The following TULP4 variants were observed in gnomAD, a reference collection of about 807,000 sequenced individuals.
The protein encoded by TULP4 is TUB like protein 4.
TULP4 carries 16 observed loss-of-function variants against 129.0 expected under a neutral mutation model. The observed-to-expected ratio is 0.12, with a 90% confidence interval of 0.08 to 0.19. The LOEUF is 0.19. Among genes scored for constraint, TULP4 ranks in the 10% least tolerant of loss-of-function variants. TULP4 has a pLI of 1.00. For missense variants in TULP4, 1,842 were observed against 2,059.1 expected, an observed-to-expected ratio of 0.89 and a Z score of 2.04; for synonymous variants, 998 against 854.0, an observed-to-expected ratio of 1.17 and a Z score of -2.94.
In TULP4 at chr6:158,407,891, A is replaced by G. The variant is rs553253434; in HGVS notation, c.253-5174A>G. 5.9e-5 allele frequency among the ~76,000 whole-genome samples: 9 copies of G among 152,332 alleles called. 1 individual carries two copies. The South Asian group carries it at 6.2e-4, about 11-fold the overall frequency. On this transcript the variant is annotated intron_variant, in intron 1 of 13. Coordinates refer to ENST00000367097, the MANE Select transcript of TULP4 (RefSeq NM_020245.5). ...CTTTGAGGGTTGAGGTAGATGTTCT[A>G]AAACATATTGTAAAGGTTGTACAAC...
At chr6:158,415,033 C>G (rs1778176384) in intron 2 of TULP4, among the ~76,000 whole-genome samples, 1 of 152,236 alleles carries the variant, frequency 6.6e-6, no homozygotes, top group African/African-American at 2.4e-5. Context: ...AAATGATTTT[C>G]TCTTTTGGCA....
Position 158,461,691 on chromosome 6 carries a change from C to T in TULP4, c.988C>T (p.Arg330Cys). 1.9e-6 allele frequency: 3 copies of T among 1,614,074 alleles called. No homozygotes were observed. The highest frequency in any genetic ancestry group is 2.5e-6 in the Non-Finnish European group (3 of 1,180,016). ...KSAMVKFYNV[R>C]GEHIFTLDTL... ...TGCCATGGTCAAGTTCTACAATGTT[C>T]GTGGGGAGCACATCTTCACACTGGA... The change falls in exon 6 of 14, where the codon CGT becomes TGT. Residue 330 changes from arginine (R) to cysteine (C), a missense_variant. Around this residue, in one of 5 missense-constraint regions of TULP4, gnomAD observed 456 missense variants for 534.3 expected, o/e 0.85. Coordinates refer to ENST00000367097, the MANE Select transcript of TULP4 (RefSeq NM_020245.5).
At position 158,349,910 on chromosome 6, in the gene TULP4, G is replaced by A. The variant is rs575376221; in HGVS notation, c.252+35642G>A. ...TCCTCACCTCCTAGGTGGGGCGGCC[G>A]GGCAGAGGCACTCCCCACTTCCCAG... On this transcript the variant is annotated intron_variant, in intron 1 of 13. Coordinates refer to ENST00000367097, the MANE Select transcript of TULP4 (RefSeq NM_020245.5). Among the ~76,000 whole-genome samples the A allele has an allele frequency of 9.2e-3, 1,286 of 139,672 alleles. 114 individuals carry two copies. Among genetic ancestry groups the A allele is most frequent in the African/African-American group, 0.034 (1,220 of 35,866 alleles). 91.6% of individuals were successfully genotyped at this position (139,672 alleles called of 152,430 possible). A position where few individuals can be genotyped will look rare whatever the true frequency, so the allele number is the denominator to read the frequency against.
chr6:158,252,436 T>C (rs553444636), intron 1 of TULP4, among the ~76,000 whole-genome samples: 1 of 152,132 alleles, frequency 6.6e-6, no homozygotes, highest in African/African-American at 2.4e-5. Flanking sequence ...AGTGCAGTGG[T>C]ATGATCTCAG....
intron 1 of TULP4, among the ~76,000 whole-genome samples, chr6:158,290,366 A>G (rs1302392609): frequency 2.0e-5 from 3 of 152,142 alleles, no homozygotes; most frequent in Non-Finnish European, 4.4e-5. Flanking sequence ...CCCATTTTCA[A>G]ATCAGAATGT....
At chr6:158,392,343 G>T (rs1344658660) in intron 1 of TULP4, among the ~76,000 whole-genome samples, 1 of 152,176 alleles carries the variant, frequency 6.6e-6, no homozygotes, top group Admixed American at 6.5e-5. Context: ...GGGAATTCAA[G>T]ATGAGATTTG....
At chr6:158,281,985 G>A (rs1296961306), upstream of TULP4, among the ~76,000 whole-genome samples, 3 of 152,118 alleles carry the variant, frequency 2.0e-5, no homozygotes, top group Non-Finnish European at 4.4e-5. Flanking sequence ...TTGCCCTGAT[G>A]AAGAGTATAC....
intron 1 of TULP4, among the ~76,000 whole-genome samples, chr6:158,267,773 C>T (rs1778473397): frequency 1.3e-5 from 2 of 152,134 alleles, no homozygotes; most frequent in Non-Finnish European, 2.9e-5. Context: ...CGTTTTCCTC[C>T]GTGGGTTGGT....
intron 11 of TULP4, among the ~76,000 whole-genome samples, chr6:158,496,438 G>A (rs941084234): frequency 1.3e-5 from 2 of 152,142 alleles, no homozygotes; most frequent in Non-Finnish European, 2.9e-5. Flanking sequence ...TTTTCATTTT[G>A]AAGTTTCTGA....
rs373934513 is a variant in TULP4, at chr6:158,454,018, A to ACTCCCCCCC, written c.859+1751_859+1752insTCCCCCCCC. On this transcript the variant is annotated intron_variant, in intron 5 of 13. Transcript: ENST00000367097. ...TGGCAAGAATCATACCTGCCTCTGC[A>ACTCCCCCCC]CCGCCCCCCCCCAAGTAATTACTCT... 7.0e-5 allele frequency among the ~76,000 whole-genome samples: 8 copies of ACTCCCCCCC among 114,652 alleles called. 1 individual carries two copies. The highest frequency in any genetic ancestry group is 2.9e-4 in the South Asian group (1 of 3,470). The allele number at this position is 114,652 out of a possible 152,430, so 75.2% of individuals were successfully genotyped here.
At chr6:158,467,835 G>A (rs149962359) in intron 6 of TULP4, among the ~76,000 whole-genome samples, 15 of 152,076 alleles carry the variant, frequency 9.9e-5, no homozygotes, top group South Asian at 4.1e-4. Context: ...TTTGCACCAC[G>A]CCTGGAACAG....
intron 1 of TULP4, among the ~76,000 whole-genome samples, chr6:158,338,140 GTATT>G (rs1780089417): frequency 6.6e-6 from 1 of 152,088 alleles, no homozygotes; most frequent in African/African-American, 2.4e-5. Flanking sequence ...CACACTTTAT[GTATT>G]TATTTATTTT....
chr6:158,504,647 C>T (rs186074121), intron 13 of TULP4, among the ~76,000 whole-genome samples: 7 of 134,020 alleles, frequency 5.2e-5, no homozygotes, highest in African/African-American at 1.5e-4. Flanking sequence ...TGAGCTACCA[C>T]GCCCAGCCCT....
In TULP4 at chr6:158,508,878, GTTTTTTTTTTT is replaced by G. The variant is rs35396796; in HGVS notation, c.*2201_*2211del. The G allele has an allele frequency of 2.6e-5, 2 of 77,684 alleles. No homozygotes were observed. Among genetic ancestry groups the G allele is most frequent in the Non-Finnish European group, 4.7e-5 (2 of 42,824 alleles). 4.8% of individuals were successfully genotyped at this position (77,684 alleles called of 1,614,324 possible). A position where few individuals can be genotyped will look rare whatever the true frequency, so the allele number is the denominator to read the frequency against. On this transcript the variant is annotated 3_prime_UTR_variant, in exon 14 of 14. Transcript: ENST00000367097. ...AGAAATAAAGAGGATATGATAGAAG[GTTTTTTTTTTT>G]TTTTTTTTTTTTTTTTGAGACGGAG...
At position 158,318,366 on chromosome 6, in the gene TULP4, C is replaced by T. The variant is rs547210176; in HGVS notation, c.252+4098C>T. ...AATGCCTGTCAAGTAGAGTGACCAA[C>T]TCTCCTAGCTTCCCAGGATGTGGGA... is the stretch of plus-strand genomic sequence containing the variant. On this transcript the variant is annotated intron_variant, in intron 1 of 13. Coordinates refer to ENST00000367097, the MANE Select transcript of TULP4 (RefSeq NM_020245.5). Among the ~76,000 whole-genome samples, 11 of 152,314 alleles carry T rather than the reference C, an allele frequency of 7.2e-5. No homozygotes were observed. In the South Asian group the frequency reaches 1.9e-3, roughly 26 times the overall value.
chr6:158,363,733 C>G (rs930452510), intron 1 of TULP4, among the ~76,000 whole-genome samples: 3 of 152,140 alleles, frequency 2.0e-5, no homozygotes, highest in East Asian at 1.9e-4. Context: ...TGATCCACCC[C>G]CCCGGCCTCC....
In TULP4 at chr6:158,479,754, C is replaced by T. The variant is rs780632556; in HGVS notation, c.1030C>T (p.Pro344Ser). The T allele has an allele frequency of 1.1e-5, 18 of 1,612,830 alleles. No individual in the cohort carries two copies. In the Admixed American group the frequency reaches 3.0e-4, roughly 27 times the overall value. The change falls in exon 7 of 14, where the codon CCC becomes TCC. Residue 344 changes from proline (P) to serine (S), a missense_variant. Pro to Ser is a moderately conservative substitution (Grantham distance 74). This residue lies in a region of TULP4 where 456 missense variants were observed against 534.3 expected (regional missense o/e 0.85). Transcript: ENST00000367097. Reference protein sequence around the residue: ...IFTLDTLVQRPIISICWGHRD... With the variant: ...IFTLDTLVQRSIISICWGHRD... ...TCTTCCCTTCACTTCCTGCCAGCGC[C>T]CCATCATCTCCATCTGCTGGGGTCA...
chr6:158,319,530 A>T (rs570682470), intron 1 of TULP4, among the ~76,000 whole-genome samples: 1 of 152,310 alleles, frequency 6.6e-6, no homozygotes, highest in East Asian at 1.9e-4. Flanking sequence ...ATTTCTGGCC[A>T]CGGAACTAAC....
At chr6:158,318,687 C>T (rs537666823) in intron 1 of TULP4, among the ~76,000 whole-genome samples, 17 of 152,180 alleles carry the variant, frequency 1.1e-4, no homozygotes, top group African/African-American at 3.4e-4. Flanking sequence ...GTGTTAAATA[C>T]AAGTCCTCAA....
Sources: gnomAD v4.1 joint callset for allele counts (sites outside exome capture counted in the v4.1 genomes callset) on GRCh38, gnomAD v4.1.1 for gene constraint, gnomAD v4.1.1 regional missense constraint, MANE v1.5 for transcripts, NCBI Gene and HGNC (gene_info 2026-07-23, HGNC 2026-07-21) for gene names.